ALS2CL: variants seen among roughly 807,000 people sequenced by gnomAD.
ALS2CL encodes the protein ALS2 C-terminal-like protein.
ALS2CL carries 112 observed loss-of-function variants against 127.9 expected under a neutral mutation model. That is an observed-to-expected ratio of 0.88 (90% CI 0.75 to 1.02). The LOEUF (loss-of-function observed/expected upper bound fraction) is 1.02. ALS2CL is among the 50% of genes least tolerant of loss of function. The probability of loss-of-function intolerance (pLI) is 0.00; values close to 1 mark genes in which losing one functional copy is unlikely to be tolerated. For missense variants in ALS2CL, 1,174 were observed against 1,236.7 expected (o/e 0.95, Z 0.76); for synonymous variants, 519 against 527.6 (o/e 0.98, Z 0.22).
rs1334096237 is a variant in ALS2CL, at chr3:46,669,158, G to A, written c.*1826C>T. On this transcript the variant is annotated 3_prime_UTR_variant, in exon 26 of 26. Transcript: ENST00000318962. ...GGATCTTCCCACCTCAGCCTCCCGA[G>A]TAGCTGGGACCACAGGCACACACCA... The A allele has an allele frequency of 6.6e-6, 1 of 152,094 alleles. No individual in the cohort carries two copies. Among genetic ancestry groups the A allele is most frequent in the Non-Finnish European group, 1.5e-5 (1 of 68,050 alleles). The allele number at this position is 152,094 out of a possible 1,614,324, so 9.4% of individuals were successfully genotyped here.
Position 46,681,588 on chromosome 3 carries a change from G to A in ALS2CL, c.1186C>T (p.Arg396Cys), listed in dbSNP as rs201267003. The change falls in exon 12 of 26, where the codon CGC becomes TGC. Residue 396 changes from arginine (R) to cysteine (C), a missense_variant. Coordinates refer to ENST00000318962, the MANE Select transcript of ALS2CL (RefSeq NM_147129.5). This position sits in a 1 kb window ranked among gnomAD's most constrained non-coding sequence, Gnocchi z 4.9. ...CQGLEHGFGIRLLPQASEDKF... is the reference protein window; with the variant it reads ...CQGLEHGFGICLLPQASEDKF... Reference sequence around the variant, plus strand: ...TCCTCAGAGGCCTGGGGCAGCAGGCGGATGCCGAAGCTGACAGCATGGTTG... The same window carrying A: ...TCCTCAGAGGCCTGGGGCAGCAGGCAGATGCCGAAGCTGACAGCATGGTTG... The A allele has an allele frequency of 2.5e-5, 41 of 1,614,078 alleles. No homozygotes were observed. In the Middle Eastern group the frequency reaches 4.9e-4, roughly 19 times the overall value.
chr3:46,685,722 TG>T, intron 6 of ALS2CL, 78 bp from the exon 7 acceptor site: 1 of 1,539,584 alleles, frequency 6.5e-7, no homozygotes, highest in South Asian at 1.2e-5. Flanking sequence ...CACCTCCCAA[TG>T]TACCCCAGAC....
chr3:46,676,175 A>G (rs1202672466), intron 19 of ALS2CL, 70 bp downstream of exon 19: 9 of 1,566,938 alleles, frequency 5.7e-6, no homozygotes, highest in Non-Finnish European at 6.9e-6. Flanking sequence ...AATGCAAGGC[A>G]GAACTGATGC....
rs113393000 is a variant in ALS2CL, at chr3:46,683,332, G to A, written c.913-6C>T. The A allele has an allele frequency of 2.1e-5, 33 of 1,576,118 alleles. No individual in the cohort carries two copies. Among genetic ancestry groups the A allele is most frequent in the African/African-American group, 1.6e-4 (12 of 74,142 alleles). The stretch of plus-strand genomic sequence containing the variant: ...ACCTTCCACTGCCAGACTGCCTGGT[G>A]GGAGGGGGAACATGGGGAAGGGGAT... On this transcript the variant is annotated splice_region_variant and splice_polypyrimidine_tract_variant and intron_variant, in intron 9 of 25. Coordinates refer to ENST00000318962, the MANE Select transcript of ALS2CL (RefSeq NM_147129.5).
intron 14 of ALS2CL, 32 bp from the exon 15 acceptor site, chr3:46,679,319 G>A: frequency 3.3e-6 from 5 of 1,533,400 alleles, no homozygotes; most frequent in Non-Finnish European, 4.4e-6. Flanking sequence ...AGGGTAGAAA[G>A]GGTGGGTGAG....
intron 21 of ALS2CL, among the ~76,000 whole-genome samples, chr3:46,673,625 G>C (rs534277237): frequency 1.3e-5 from 2 of 152,280 alleles, no homozygotes; most frequent in East Asian, 3.9e-4. Context: ...CCAGTAGAGA[G>C]GGAGGGGTGA....
chr3:46,670,858 C>A lies in ALS2CL; in HGVS notation c.*126G>T, dbSNP rs565258302. 1 of 998,318 alleles carries A rather than the reference C, an allele frequency of 1.0e-6. No homozygotes were observed. Among genetic ancestry groups the A allele is most frequent in the Non-Finnish European group, 1.5e-6 (1 of 650,180 alleles). The allele number at this position is 998,318 out of a possible 1,614,324, so 61.8% of individuals were successfully genotyped here. Reference sequence around the variant, plus strand: ...AGGGCAGCAGCAGCATCTTCCTGTGCAAAACAAAATGCTCATCTCCTCCAA... The same window carrying A: ...AGGGCAGCAGCAGCATCTTCCTGTGAAAAACAAAATGCTCATCTCCTCCAA... On this transcript the variant is annotated 3_prime_UTR_variant, in exon 26 of 26. Coordinates refer to ENST00000318962, the MANE Select transcript of ALS2CL (RefSeq NM_147129.5). This position sits in a 1 kb window ranked among gnomAD's most constrained non-coding sequence, Gnocchi z 5.5.
chr3:46,671,766 C>A, intron 24 of ALS2CL, 118 bp downstream of exon 24: 1 of 1,532,822 alleles, frequency 6.5e-7, no homozygotes, highest in South Asian at 1.3e-5. Flanking sequence ...TTGGCTTCCC[C>A]ATCTGTACAG....
chr3:46,692,233 TGAGGA>T (rs1700202280), intron 1 of ALS2CL, among the ~76,000 whole-genome samples: 1 of 152,068 alleles, frequency 6.6e-6, no homozygotes, highest in South Asian at 2.1e-4. Context: ...CTGGAAGTGA[TGAGGA>T]GAGTGTAAGT....
intron 16 of ALS2CL, chr3:46,677,245 C>CA (rs1698930360): frequency 7.2e-7 from 1 of 1,388,426 alleles, no homozygotes; most frequent in African/African-American, 1.5e-5. Context: ...GACGAGAAGA[C>CA]AGACAGAAGC....
chr3:46,676,926 C>A lies in ALS2CL; in HGVS notation c.1854G>T (p.Leu618=), dbSNP rs765492142. 7 of 1,613,754 alleles carry A rather than the reference C, an allele frequency of 4.3e-6. No homozygotes were observed. The South Asian group carries it at 7.7e-5, about 18-fold the overall frequency. The part of the protein sequence containing the change: ...DFVCAGCPRD[L]QEALLGFDVQ... ...CGTCGAAGCCCAGCAGGGCCTCCTG[C>A]AGGTCCCTGGGGCAGCCAGCACACA... Residue 618 remains leucine, a synonymous_variant, in exon 17 of 26, where the codon CTG becomes CTT. Coordinates refer to ENST00000318962, the MANE Select transcript of ALS2CL (RefSeq NM_147129.5).
At chr3:46,684,578 C>T (rs1335240871) in intron 7 of ALS2CL, among the ~76,000 whole-genome samples, 1 of 152,226 alleles carries the variant, frequency 6.6e-6, no homozygotes, top group Admixed American at 6.5e-5. Context: ...ACTTCCTACC[C>T]GGCCCAGTCA....
chr3:46,676,783 C>G lies in ALS2CL; in HGVS notation c.1932-45G>C, dbSNP rs576739715. 16 of 1,612,134 alleles carry G rather than the reference C, an allele frequency of 9.9e-6. No individual in the cohort carries two copies. In the Admixed American group the frequency reaches 1.3e-4, roughly 13 times the overall value. ...TCCCTCACCCACACCTCGGCCCAGC[C>G]CCCTCCCCCCAGGAAGCCCTCCCCA... On this transcript the variant is annotated intron_variant, in intron 17 of 25. Coordinates refer to ENST00000318962, the MANE Select transcript of ALS2CL (RefSeq NM_147129.5).
Position 46,676,897 on chromosome 3 carries a change from T to C in ALS2CL, c.1883A>G (p.Gln628Arg). The change falls in exon 17 of 26, where the codon CAG becomes CGG. Residue 628 changes from glutamine (Q) to arginine (R), a missense_variant. Transcript: ENST00000318962. ...LQEALLGFDV[Q>R]SSRELRRSQD... Reference sequence around the variant, plus strand: ...AGACCTACGCAGCTCCCTGGAGCTCTGCACGTCGAAGCCCAGCAGGGCCTC... The same window carrying C: ...AGACCTACGCAGCTCCCTGGAGCTCCGCACGTCGAAGCCCAGCAGGGCCTC... 2 of 1,612,720 alleles carry C rather than the reference T, an allele frequency of 1.2e-6. No individual in the cohort carries two copies. Among genetic ancestry groups the C allele is most frequent in the South Asian group, 2.2e-5 (2 of 91,020 alleles).
chr3:46,691,853 C>T (rs182996965), intron 1 of ALS2CL, among the ~76,000 whole-genome samples: 1 of 152,112 alleles, frequency 6.6e-6, no homozygotes, highest in East Asian at 1.9e-4. Context: ...CCACTGCGCC[C>T]AGCCAAAGAG....
chr3:46,693,429 C>G (rs1333594425), intron 1 of ALS2CL: 1 of 152,356 alleles, frequency 6.6e-6, no homozygotes, highest in Non-Finnish European at 1.5e-5. Context: ...GGCGCTGCCC[C>G]GAACCCAAGC....
rs1443197414 is a variant in ALS2CL, at chr3:46,684,115, G to A, written c.787-68C>T. ...GATGCTCACCTACCCTCTGGCCAAG[G>A]CTTGCCCCAAGCTCAACCTTGTGTG... On this transcript the variant is annotated intron_variant, in intron 7 of 25. Transcript: ENST00000318962. 12 of 1,527,290 alleles carry A rather than the reference G, an allele frequency of 7.9e-6. No homozygotes were observed. In the Admixed American group the frequency reaches 2.4e-4, roughly 30 times the overall value. The allele number at this position is 1,527,290 out of a possible 1,614,324, so 94.6% of individuals were successfully genotyped here. A position where few individuals can be genotyped will look rare whatever the true frequency, so the allele number is the denominator to read the frequency against.
Position 46,672,168 on chromosome 3 carries a change from ACAGGAAACACTTGTCC to A in ALS2CL, c.2490_2505del (p.Arg830SerfsTer11). The A allele has an allele frequency of 6.2e-7, 1 of 1,614,030 alleles. No individual in the cohort carries two copies. Among genetic ancestry groups the A allele is most frequent in the Non-Finnish European group, 8.5e-7 (1 of 1,180,020 alleles). ...ATCTTCTGCAGGCACTCGGTGGCTG[ACAGGAAACACTTGTCC>A]CTGACCAGGGAGTACCTCTGCATGG... On this transcript the variant is annotated frameshift_variant, in exon 23 of 26. Coordinates refer to ENST00000318962, the MANE Select transcript of ALS2CL (RefSeq NM_147129.5). LOFTEE classifies it high-confidence loss of function.
intron 7 of ALS2CL, among the ~76,000 whole-genome samples, chr3:46,684,756 T>C (rs1227419479): frequency 6.6e-6 from 1 of 152,126 alleles, no homozygotes; most frequent in East Asian, 1.9e-4. Flanking sequence ...GAAGGGACAG[T>C]AGCTCATCAG....
Sources: allele counts gnomAD v4.1 joint callset (sites outside exome capture counted in the v4.1 genomes callset), GRCh38; gene constraint gnomAD v4.1.1; non-coding constraint Gnocchi (gnomAD v3.1); transcripts MANE v1.5; gene names NCBI Gene and HGNC (gene_info 2026-07-23, HGNC 2026-07-21).